Variants in EXOC6 observed in about 807,000 individuals in gnomAD.
EXOC6 encodes SEC15-like 1.
Under a neutral mutation model 112.5 loss-of-function variants are expected in EXOC6, and 60 were observed. The ratio of observed to expected loss-of-function variants is 0.53; its 90% confidence interval spans 0.43 to 0.66. EXOC6 has a LOEUF of 0.66. EXOC6 is among the 30% of genes least tolerant of loss of function. The pLI, the probability that EXOC6 is intolerant of heterozygous loss-of-function variation, is 0.00. For synonymous variants in EXOC6, 295 were observed against 308.0 expected, an observed-to-expected ratio of 0.96 and a Z score of 0.44; for missense variants, 855 against 957.1, an observed-to-expected ratio of 0.89 and a Z score of 1.41.
chr10:92,955,462 AT>A, intron 16 of EXOC6, 117 bp from the exon 17 acceptor site: 1 of 790,502 alleles, frequency 1.3e-6, no homozygotes, highest in Non-Finnish European at 2.1e-6. Context: ...GTATCCTATA[AT>A]GCTGCAATTA....
At chr10:93,047,501 A>T (rs1384692305) in intron 20 of EXOC6, among the ~76,000 whole-genome samples, 2 of 152,100 alleles carry the variant, frequency 1.3e-5, no homozygotes, top group African/African-American at 4.8e-5. Context: ...GCACCACTGT[A>T]CTCCAGCCTG....
chr10:92,877,563 G>A (rs1471546365), intron 1 of EXOC6, among the ~76,000 whole-genome samples: 1 of 151,986 alleles, frequency 6.6e-6, no homozygotes, highest in Admixed American at 6.6e-5. Context: ...TTTATTTTTT[G>A]TTTTGTTATT....
intron 1 of EXOC6, among the ~76,000 whole-genome samples, chr10:92,863,676 G>T (rs1234136310): frequency 1.3e-5 from 2 of 152,050 alleles, no homozygotes; most frequent in Non-Finnish European, 2.9e-5. Flanking sequence ...ACTTTGGGAG[G>T]CCGAGGCAGG....
intron 1 of EXOC6, among the ~76,000 whole-genome samples, chr10:92,871,229 C>G (rs1200393375): frequency 6.6e-6 from 1 of 151,966 alleles, no homozygotes; most frequent in East Asian, 1.9e-4. Context: ...TGTAATGTTA[C>G]TAAAAATAAG....
intron 9 of EXOC6, among the ~76,000 whole-genome samples, chr10:92,933,227 A>T (rs1852150618): frequency 6.6e-6 from 1 of 152,100 alleles, no homozygotes; most frequent in Admixed American, 6.5e-5. Context: ...AAAAATCCAC[A>T]AGTATAGTGA....
At chr10:92,831,486 T>A, upstream of EXOC6, 1 of 413,850 alleles carries the variant, frequency 2.4e-6, no homozygotes, top group Non-Finnish European at 4.0e-6. Context: ...CAGGCTGGAG[T>A]ACAATGGCGT....
upstream of EXOC6, among the ~76,000 whole-genome samples, chr10:92,830,741 A>G (rs1368476225): frequency 6.6e-6 from 1 of 152,182 alleles, no homozygotes. Context: ...CCAGTTGAGA[A>G]CCACTAGCCT....
chr10:92,936,944 C>T (rs547079248), intron 12 of EXOC6, among the ~76,000 whole-genome samples: 6 of 152,032 alleles, frequency 3.9e-5, no homozygotes, highest in South Asian at 2.1e-4. Flanking sequence ...ACACCCTCTG[C>T]GATATTGGGA....
At chr10:92,985,206 C>G (rs528748295) in intron 18 of EXOC6, among the ~76,000 whole-genome samples, 41 of 152,086 alleles carry the variant, frequency 2.7e-4, no homozygotes, top group Admixed American at 1.1e-3. Context: ...CTCTGGCCCT[C>G]TGGGTGGGGG....
chr10:92,993,638 C>G (rs1344528342), intron 18 of EXOC6, among the ~76,000 whole-genome samples: 1 of 152,126 alleles, frequency 6.6e-6, no homozygotes, highest in Admixed American at 6.5e-5. Flanking sequence ...GAGCCATAAT[C>G]TAATAAACTA....
At chr10:92,964,980 C>G (rs1212131612) in intron 17 of EXOC6, among the ~76,000 whole-genome samples, 1 of 152,162 alleles carries the variant, frequency 6.6e-6, no homozygotes, top group Non-Finnish European at 1.5e-5. Context: ...CTGTCTCCCT[C>G]CACCAGCTGC....
intron 6 of EXOC6, among the ~76,000 whole-genome samples, chr10:92,912,104 C>G (rs1393814461): frequency 6.6e-6 from 1 of 150,618 alleles, no homozygotes; most frequent in Non-Finnish European, 1.5e-5. Flanking sequence ...CAGCCCCCGC[C>G]TTTGGGTGCA....
At chr10:92,867,763 A>T (rs1848249052) in intron 1 of EXOC6, among the ~76,000 whole-genome samples, 1 of 152,200 alleles carries the variant, frequency 6.6e-6, no homozygotes, top group South Asian at 2.1e-4. Flanking sequence ...GAATGCTGAG[A>T]TGGATATATA....
chr10:92,863,979 C>T (rs1288618684), intron 1 of EXOC6, among the ~76,000 whole-genome samples: 1 of 150,150 alleles, frequency 6.7e-6, no homozygotes, highest in Non-Finnish European at 1.5e-5. Flanking sequence ...ATTAGCTCGG[C>T]ATGGTGGTGC....
At chr10:93,006,250 T>C (rs1843975932) in intron 19 of EXOC6, among the ~76,000 whole-genome samples, 1 of 152,144 alleles carries the variant, frequency 6.6e-6, no homozygotes, top group Non-Finnish European at 1.5e-5. Context: ...CCTCTAATTC[T>C]AGCCTTGAAA....
intron 1 of EXOC6, among the ~76,000 whole-genome samples, chr10:92,842,470 ATCATT>A (rs1022279567): frequency 1.3e-5 from 2 of 151,542 alleles, no homozygotes; most frequent in East Asian, 1.9e-4. Context: ...CATCATCATC[ATCATT>A]TCATTAGCTA....
intron 6 of EXOC6, among the ~76,000 whole-genome samples, chr10:92,910,431 G>A (rs1850678181): frequency 6.6e-6 from 1 of 152,110 alleles, no homozygotes; most frequent in South Asian, 2.1e-4. Context: ...GACTAAGATG[G>A]AAAAAATCAG....
In EXOC6 at chr10:93,010,486, G is replaced by A. The variant is rs971016825; in HGVS notation, c.2096-3708G>A. ...TGGGAGACCGAGGCAGATCACTGGAGGTCAGAAGTTTGAGACCAGCTGGCC... is the reference window on the plus strand; with the variant it reads ...TGGGAGACCGAGGCAGATCACTGGAAGTCAGAAGTTTGAGACCAGCTGGCC... On this transcript the variant is annotated intron_variant, in intron 19 of 21. Transcript: ENST00000260762. 2.6e-5 allele frequency among the ~76,000 whole-genome samples: 4 copies of A among 151,998 alleles called. 1 individual carries two copies. The highest frequency in any genetic ancestry group is 4.4e-5 in the Non-Finnish European group (3 of 68,014).
intron 18 of EXOC6, among the ~76,000 whole-genome samples, chr10:92,989,559 C>G (rs1369844280): frequency 6.6e-6 from 1 of 152,176 alleles, no homozygotes. Flanking sequence ...CCCTTTAGCA[C>G]CAGAATAACT....
Sources: gnomAD v4.1 joint callset for allele counts (sites outside exome capture counted in the v4.1 genomes callset) on GRCh38, gnomAD v4.1.1 for gene constraint, MANE v1.5 for transcripts, NCBI Gene and HGNC (gene_info 2026-07-23, HGNC 2026-07-21) for gene names.